The following PDE1A variants were observed in gnomAD, a reference collection of about 807,000 sequenced individuals.
PDE1A encodes phosphodiesterase 1A.
PDE1A carries 35 observed loss-of-function variants against 61.7 expected under a neutral mutation model. The observed-to-expected ratio is 0.57, with a 90% CI of 0.43 to 0.75. The LOEUF (loss-of-function observed/expected upper bound fraction) is 0.75, where lower values mean the gene tolerates loss of function less well. Among genes scored for constraint, PDE1A ranks in the 30% least tolerant of loss-of-function variants. The pLI is 0.00. For missense variants in PDE1A, 597 were observed against 630.6 expected (o/e 0.95, Z 0.57); for synonymous variants, 232 against 213.2 (o/e 1.09, Z -0.77).
chr2:182,358,612 T>G (rs1186578952), intron 1 of PDE1A, among the ~76,000 whole-genome samples: 1 of 152,164 alleles, frequency 6.6e-6, no homozygotes, highest in Non-Finnish European at 1.5e-5. Flanking sequence ...CATCTGTATC[T>G]TGCTGTTTTC....
At chr2:182,586,066 T>C in the PDE1A span, among the ~76,000 whole-genome samples, 1 of 152,202 alleles carries the variant, frequency 6.6e-6, no homozygotes, top group Non-Finnish European at 1.5e-5. Context: ...TGTTTTCGCA[T>C]TTCCCATATT....
intron 1 of PDE1A, among the ~76,000 whole-genome samples, chr2:182,387,222 T>C (rs1380605489): frequency 6.6e-6 from 1 of 152,138 alleles, no homozygotes; most frequent in East Asian, 1.9e-4. Context: ...GAAGGCAGCA[T>C]ACTCGTTAAG....
the PDE1A span, among the ~76,000 whole-genome samples, chr2:182,690,987 T>A: frequency 4.0e-5 from 6 of 151,694 alleles, no homozygotes; most frequent in African/African-American, 1.5e-4. Context: ...GTGAAGGACC[T>A]CTTCAAGGAG....
chr2:182,144,605 A>C (rs1033503868), downstream of PDE1A, among the ~76,000 whole-genome samples: 4 of 152,180 alleles, frequency 2.6e-5, no homozygotes, highest in Non-Finnish European at 5.9e-5. Flanking sequence ...AGTGGGACCT[A>C]CACATTGAGA....
At chr2:182,419,368 C>T (rs1370656152) in intron 1 of PDE1A, among the ~76,000 whole-genome samples, 1 of 143,688 alleles carries the variant, frequency 7.0e-6, no homozygotes, top group African/African-American at 2.6e-5. Flanking sequence ...TAGAGTCTCA[C>T]TCTGTCGCCC....
In PDE1A at chr2:182,477,673, C is replaced by A. The variant is rs186717645; in HGVS notation, c.101+44603G>T. Among the ~76,000 whole-genome samples, 52 of 151,956 alleles carry A rather than the reference C, an allele frequency of 3.4e-4. No homozygotes were observed. In the East Asian group the frequency reaches 6.0e-3, roughly 18 times the overall value. ...TTTTCACATATTTAATTTCATGCCA[C>A]AAAACAAATCCTAGACATAGAGAGC... On this transcript the variant is annotated intron_variant, in intron 2 of 14. Coordinates refer to the PDE1A transcript ENST00000410103.
At chr2:182,310,354 G>A (rs1000759876) in intron 1 of PDE1A, among the ~76,000 whole-genome samples, 1 of 152,268 alleles carries the variant, frequency 6.6e-6, no homozygotes, top group South Asian at 2.1e-4. Flanking sequence ...CCTTCAGGGG[G>A]CTATGGAGGA....
chr2:182,474,255 G>C (rs1320865038), intron 2 of PDE1A, among the ~76,000 whole-genome samples: 3 of 151,816 alleles, frequency 2.0e-5, no homozygotes, highest in East Asian at 1.9e-4. Flanking sequence ...TTACTCTTTC[G>C]CTTCAGCTAA....
chr2:182,183,954 T>A (rs559980700), intron 13 of PDE1A, among the ~76,000 whole-genome samples: 12 of 105,476 alleles, frequency 1.1e-4, no homozygotes, highest in African/African-American at 4.0e-4. Flanking sequence ...AAGCAGCCAA[T>A]CAAAAATGAA....
the PDE1A span, among the ~76,000 whole-genome samples, chr2:182,607,393 A>G: frequency 2.6e-5 from 4 of 152,224 alleles, no homozygotes; most frequent in Non-Finnish European, 5.9e-5. Flanking sequence ...TTTGAGGAAT[A>G]GCACTTTAAG....
At chr2:182,209,625 G>A (rs935958429) in intron 7 of PDE1A, among the ~76,000 whole-genome samples, 2 of 151,860 alleles carry the variant, frequency 1.3e-5, no homozygotes, top group African/African-American at 2.4e-5. Flanking sequence ...TCATGGGGGT[G>A]AGTATCCCGC....
the PDE1A span, among the ~76,000 whole-genome samples, chr2:182,643,931 T>A: frequency 6.6e-6 from 1 of 152,138 alleles, no homozygotes; most frequent in East Asian, 1.9e-4. Flanking sequence ...CCAAGTCCCA[T>A]TGATTTATAC....
chr2:182,270,617 TC>T (rs1358256978), intron 1 of PDE1A, among the ~76,000 whole-genome samples: 1 of 151,084 alleles, frequency 6.6e-6, no homozygotes, highest in African/African-American at 2.4e-5. Flanking sequence ...CTATCAACGT[TC>T]CCACTTGTGA....
chr2:182,573,921 AAT>A, the PDE1A span, among the ~76,000 whole-genome samples: 3 of 143,564 alleles, frequency 2.1e-5, no homozygotes, highest in African/African-American at 2.6e-5. Context: ...TATATATATT[AAT>A]ATATACATAT....
upstream of PDE1A, among the ~76,000 whole-genome samples, chr2:182,527,303 T>TTAAAA (rs1690785942): frequency 4.8e-4 from 11 of 22,836 alleles, 1 homozygote; most frequent in African/African-American, 2.2e-3. Context: ...CCTTTCTCTA[T>TTAAAA]AAAAAAAAAA....
At chr2:182,372,986 G>A (rs1465950645) in intron 1 of PDE1A, among the ~76,000 whole-genome samples, 1 of 152,226 alleles carries the variant, frequency 6.6e-6, no homozygotes, top group Non-Finnish European at 1.5e-5. Context: ...AAGGGACTAA[G>A]ACAAAGGCCC....
At chr2:182,290,811 A>G (rs1384939978) in intron 1 of PDE1A, among the ~76,000 whole-genome samples, 1 of 151,768 alleles carries the variant, frequency 6.6e-6, no homozygotes, top group African/African-American at 2.4e-5. Context: ...AGCACCTCCT[A>G]CTTGAGTTCT....
chr2:182,191,850 T>TTTTCTTTTA (rs1559161814), intron 10 of PDE1A, among the ~76,000 whole-genome samples: 14 of 151,460 alleles, frequency 9.2e-5, no homozygotes, highest in Non-Finnish European at 1.5e-5. Context: ...TACTTTCTTT[T>TTTTCTTTTA]TTTTTTTATT....
At chr2:182,440,093 C>T (rs1029180951) in intron 2 of PDE1A, among the ~76,000 whole-genome samples, 6 of 152,050 alleles carry the variant, frequency 3.9e-5, no homozygotes, top group African/African-American at 1.4e-4. Flanking sequence ...ATAATTTAAG[C>T]AAACACAGAT....
Sources: allele counts gnomAD v4.1 joint callset (sites outside exome capture counted in the v4.1 genomes callset), GRCh38; gene constraint gnomAD v4.1.1; transcripts MANE v1.5; gene names NCBI Gene and HGNC (gene_info 2026-07-23, HGNC 2026-07-21).